KANSL3: variants seen among roughly 807,000 people sequenced by gnomAD.
KANSL3 encodes the protein KAT8 regulatory NSL complex subunit 3, also known as NSL complex protein NSL3.
KANSL3 carries 16 observed loss-of-function variants against 89.2 expected under a neutral mutation model. The ratio of observed to expected loss-of-function variants is 0.18; its 90% confidence interval spans 0.12 to 0.27. The LOEUF (loss-of-function observed/expected upper bound fraction) is 0.27, where lower values mean the gene tolerates loss of function less well. KANSL3 is among the 10% of genes least tolerant of loss of function. KANSL3 has a pLI of 1.00. For missense variants in KANSL3, 879 were observed against 1,110.6 expected (o/e 0.79, Z 2.96); for synonymous variants, 385 against 419.7 (o/e 0.92, Z 1.01).
In KANSL3 at chr2:96,604,309, C is replaced by G; in HGVS notation, c.2090G>C (p.Ser697Thr). The change falls in exon 17 of 21, where the codon AGT (serine) becomes ACT (threonine). Residue 697 changes from serine to threonine, a missense_variant. Ser to Thr is a moderately conservative substitution (Grantham distance 58, BLOSUM62 1). This residue lies in a region of KANSL3 where 317 missense variants were observed against 311.2 expected (regional missense o/e 1.02). Transcript: ENST00000431828. ...PSVVSSSTAPSALHTLQSRLV... is the reference protein window; with the variant it reads ...PSVVSSSTAPTALHTLQSRLV... ...GCGGCTCTGCAGTGTGTGCAAGGCA[C>G]TGGGTGCAGTGCTGCTGGAGACCAC... 6.2e-7 allele frequency: 1 copy of G among 1,613,370 alleles called. No individual in the cohort carries two copies. The highest frequency in any genetic ancestry group is 8.5e-7 in the Non-Finnish European group (1 of 1,179,862).
the KANSL3 span, among the ~76,000 whole-genome samples, chr2:96,583,157 T>C: frequency 6.6e-6 from 1 of 152,226 alleles, no homozygotes; most frequent in Non-Finnish European, 1.5e-5. Flanking sequence ...ACAAACAAAA[T>C]TCACTGTTTT....
Position 96,637,076 on chromosome 2 carries a change from C to T in KANSL3, c.60G>A (p.Ser20=), listed in dbSNP as rs2074345080. ...CATGCACTGAAAGCTGGAAGAGCAGCGAGGTGCCCATGCGTCGAGCTGAAG... is the reference window on the plus strand; with the variant it reads ...CATGCACTGAAAGCTGGAAGAGCAGTGAGGTGCCCATGCGTCGAGCTGAAG... The part of the protein sequence containing the change: ...FQTSARRMGT[S]LLFQLSVHER... Residue 20 remains serine, a synonymous_variant, in exon 2 of 21, where the codon TCG becomes TCA. Coordinates refer to ENST00000431828, the MANE Select transcript of KANSL3 (RefSeq NM_001115016.3). The T allele has an allele frequency of 6.4e-7, 1 of 1,551,658 alleles. No homozygotes were observed. Among genetic ancestry groups the T allele is most frequent in the Non-Finnish European group, 8.7e-7 (1 of 1,146,984 alleles).
At chr2:96,633,811 G>A (rs1244388433) in intron 2 of KANSL3, among the ~76,000 whole-genome samples, 1 of 152,082 alleles carries the variant, frequency 6.6e-6, no homozygotes, top group Non-Finnish European at 1.5e-5. Context: ...GTTACCATGA[G>A]CCAAGATTGC....
chr2:96,624,413 T>G (rs1387607439), intron 3 of KANSL3, among the ~76,000 whole-genome samples: 1 of 152,234 alleles, frequency 6.6e-6, no homozygotes, highest in Non-Finnish European at 1.5e-5. Context: ...AAGTTCTACC[T>G]TATTTGTGGA....
chr2:96,609,196 A>T, intron 12 of KANSL3, 132 bp from the exon 13 acceptor site: 1 of 860,742 alleles, frequency 1.2e-6, no homozygotes, highest in South Asian at 1.8e-5. Flanking sequence ...TCCCCACTCA[A>T]ACAAGGTCTG....
In KANSL3 at chr2:96,610,755, C is replaced by T; in HGVS notation, c.1290G>A (p.Val430=). ...GATTGTCATCAGCTCCCCCAACCAC[C>T]ACCAAGCTGTTCTCAGCTCGAATCT... is the stretch of plus-strand genomic sequence containing the variant. ...REKIRAENSL[V]VVGGADDNLR... The change falls in exon 11 of 21, where the codon GTG becomes GTA. Residue 430 remains valine (V), a synonymous_variant. Coordinates refer to ENST00000431828, the MANE Select transcript of KANSL3 (RefSeq NM_001115016.3). The T allele has an allele frequency of 1.2e-6, 2 of 1,614,026 alleles. No homozygotes were observed. The highest frequency in any genetic ancestry group is 1.7e-6 in the Non-Finnish European group (2 of 1,179,896).
At chr2:96,601,983 G>A (rs2067248730) in intron 19 of KANSL3, 133 bp downstream of exon 19, 4 of 1,170,700 alleles carry the variant, frequency 3.4e-6, no homozygotes, top group South Asian at 1.6e-5. Flanking sequence ...GGTCCACACA[G>A]CTGAATCCAA....
At chr2:96,622,531 C>T (rs1363579870) in intron 3 of KANSL3, among the ~76,000 whole-genome samples, 2 of 152,108 alleles carry the variant, frequency 1.3e-5, no homozygotes. Flanking sequence ...AGAACTCTCT[C>T]TGTATTCTGT....
chr2:96,604,432 C>T, intron 16 of KANSL3, 52 bp from the exon 17 acceptor site: 1 of 1,587,920 alleles, frequency 6.3e-7, no homozygotes, highest in Non-Finnish European at 8.5e-7. Flanking sequence ...GACAGCAAGC[C>T]CTAGCAACAC....
intron 5 of KANSL3, chr2:96,615,394 T>C (rs2069867814): frequency 1.1e-5 from 6 of 525,026 alleles, no homozygotes; most frequent in Non-Finnish European, 1.3e-5. Context: ...TGCTATACTA[T>C]ATACAGTGTA....
At chr2:96,608,462 C>A (rs376954263) in intron 14 of KANSL3, 46 bp downstream of exon 14, 16 of 1,603,168 alleles carry the variant, frequency 1.0e-5, no homozygotes, top group South Asian at 1.0e-4. Flanking sequence ...GTGACATGAA[C>A]TACAGAAGAC....
downstream of KANSL3, among the ~76,000 whole-genome samples, chr2:96,592,745 T>C: frequency 6.6e-6 from 1 of 152,214 alleles, no homozygotes; most frequent in East Asian, 1.9e-4. Flanking sequence ...GGCTCACGCC[T>C]GTAATCCCAG....
At chr2:96,597,321 C>T (rs1269317093) in intron 20 of KANSL3, among the ~76,000 whole-genome samples, 1 of 152,054 alleles carries the variant, frequency 6.6e-6, no homozygotes, top group East Asian at 1.9e-4. Context: ...TGAGGAGATT[C>T]TGATCCTGCC....
At chr2:96,599,142 T>C (rs571848992) in intron 20 of KANSL3, among the ~76,000 whole-genome samples, 2 of 152,246 alleles carry the variant, frequency 1.3e-5, no homozygotes, top group African/African-American at 4.8e-5. Flanking sequence ...AACAGGCCCA[T>C]ATGTGTTCAG....
rs986922551 is a variant in KANSL3, at chr2:96,619,677, C to T, written c.472G>A (p.Glu158Lys). 9 of 1,569,736 alleles carry T rather than the reference C, an allele frequency of 5.7e-6. No individual in the cohort carries two copies. The South Asian group carries it at 7.0e-5, about 12-fold the overall frequency. The change falls in exon 4 of 21, where the codon GAA becomes AAA. Residue 158 changes from glutamate (E) to lysine (K), a missense_variant. By Grantham distance (56) the Glu-to-Lys change is moderately conservative. Around this residue, in one of 6 missense-constraint regions of KANSL3, gnomAD observed 210 missense variants for 311.9 expected, o/e 0.67. Coordinates refer to ENST00000431828, the MANE Select transcript of KANSL3 (RefSeq NM_001115016.3). ...QSDRLARLAN[E>K]GACNEPVLRR... ...GCGGATTGCTGGTGTCTTACCCCTT[C>T]GTTGGCCAAGCGGGCAAGCCGGTCA...
At chr2:96,607,376 C>A (rs4907242) in intron 14 of KANSL3, among the ~76,000 whole-genome samples, 36,965 of 152,096 alleles carry the variant, frequency 0.24, 6,013 homozygotes, top group South Asian at 0.66. Flanking sequence ...GGTTCTAAAG[C>A]TGCTACTCTC....
At chr2:96,583,998 ACTTGGATATCTT>A in the KANSL3 span, among the ~76,000 whole-genome samples, 1 of 152,228 alleles carries the variant, frequency 6.6e-6, no homozygotes, top group African/African-American at 2.4e-5. Flanking sequence ...CACATTGGCT[ACTTGGATATCTT>A]CTTGTGGAAT....
chr2:96,616,827 T>TC (rs951641739), intron 5 of KANSL3, among the ~76,000 whole-genome samples: 45 of 151,818 alleles, frequency 3.0e-4, no homozygotes, highest in Non-Finnish European at 1.5e-4. Flanking sequence ...TGCTATGGAG[T>TC]CCCCCCAGTG....
intron 17 of KANSL3, 26 bp downstream of exon 17, chr2:96,604,224 G>C (rs377481261): frequency 2.5e-5 from 39 of 1,573,286 alleles, no homozygotes; most frequent in Non-Finnish European, 3.4e-5. Context: ...TGTGTTGGAA[G>C]GGGAGAATGC....
Sources: allele counts gnomAD v4.1 joint callset (sites outside exome capture counted in the v4.1 genomes callset), GRCh38; gene constraint gnomAD v4.1.1; regional missense constraint gnomAD v4.1.1; transcripts MANE v1.5; gene names NCBI Gene and HGNC (gene_info 2026-07-23, HGNC 2026-07-21).